Variants in THSD7A observed in about 807,000 individuals in gnomAD.
THSD7A encodes thrombospondin type 1 domain containing 7A.
In THSD7A, 96 loss-of-function variants were observed where a neutral mutation model predicts 231.3. The ratio of observed to expected loss-of-function variants is 0.41; its 90% CI spans 0.35 to 0.49. The LOEUF (loss-of-function observed/expected upper bound fraction) is 0.49. Among genes scored for constraint, THSD7A ranks in the 20% least tolerant of loss-of-function variants. The probability of loss-of-function intolerance (pLI) is 0.05; values close to 1 mark genes in which losing one functional copy is unlikely to be tolerated. For missense variants in THSD7A, 2,290 were observed against 2,070.2 expected, an observed-to-expected ratio of 1.11 and a Z score of -2.06; for synonymous variants, 940 against 743.3, an observed-to-expected ratio of 1.26 and a Z score of -4.30.
At chr7:11,745,762 T>C (rs1415662117) in intron 1 of THSD7A, among the ~76,000 whole-genome samples, 3 of 152,008 alleles carry the variant, frequency 2.0e-5, no homozygotes, top group African/African-American at 7.2e-5. Context: ...TGTAGATATG[T>C]GGCATTATTT....
chr7:11,643,642 G>C (rs889539799), intron 1 of THSD7A, among the ~76,000 whole-genome samples: 10 of 151,300 alleles, frequency 6.6e-5, no homozygotes, highest in Non-Finnish European at 1.0e-4. Flanking sequence ...CTTCTATACT[G>C]TTATTTAATC....
At chr7:11,534,158 G>A (rs1400805077) in intron 6 of THSD7A, among the ~76,000 whole-genome samples, 1 of 152,154 alleles carries the variant, frequency 6.6e-6, no homozygotes, top group East Asian at 1.9e-4. Flanking sequence ...CTTGGATGGG[G>A]AGGGTGTATA....
intron 4 of THSD7A, among the ~76,000 whole-genome samples, chr7:11,571,581 A>G (rs1790632229): frequency 6.6e-6 from 1 of 152,232 alleles, no homozygotes; most frequent in South Asian, 2.1e-4. Flanking sequence ...TGGCTCAGGT[A>G]ATCTATCTCC....
chr7:11,775,182 C>T (rs1317056001), intron 1 of THSD7A, among the ~76,000 whole-genome samples: 17 of 152,072 alleles, frequency 1.1e-4, no homozygotes, highest in Admixed American at 8.5e-4. Flanking sequence ...CTTTAAAAAA[C>T]GGCACAGAAA....
chr7:11,594,210 T>A (rs927926165), intron 2 of THSD7A, among the ~76,000 whole-genome samples: 16 of 152,212 alleles, frequency 1.1e-4, no homozygotes, highest in Admixed American at 3.3e-4. Context: ...ATACTGGCTC[T>A]CCTTGCTCCT....
At chr7:11,576,869 A>C (rs530688095) in intron 4 of THSD7A, among the ~76,000 whole-genome samples, 1 of 152,272 alleles carries the variant, frequency 6.6e-6, no homozygotes, top group Non-Finnish European at 1.5e-5. Flanking sequence ...ATTATCAGCT[A>C]ATAGGATGCA....
chr7:11,618,357 T>C (rs1371786730), intron 2 of THSD7A, among the ~76,000 whole-genome samples: 1 of 152,202 alleles, frequency 6.6e-6, no homozygotes, highest in African/African-American at 2.4e-5. Context: ...ATATTTTATA[T>C]AATAGAAATC....
chr7:11,568,292 C>T (rs997633887), intron 4 of THSD7A, among the ~76,000 whole-genome samples: 2 of 151,872 alleles, frequency 1.3e-5, no homozygotes, highest in African/African-American at 4.9e-5. Context: ...ACTCTGCTGA[C>T]CTTCTGCATA....
chr7:11,778,553 A>G (rs114148150), intron 1 of THSD7A, among the ~76,000 whole-genome samples: 2,267 of 152,284 alleles, frequency 0.015, 61 homozygotes, highest in African/African-American at 0.052. Context: ...GAGTCGAGGA[A>G]GAAGAGAAGA....
chr7:11,438,172 A>T (rs766452660), intron 13 of THSD7A, among the ~76,000 whole-genome samples: 1 of 152,014 alleles, frequency 6.6e-6, no homozygotes, highest in Non-Finnish European at 1.5e-5. Flanking sequence ...TTGAAACATG[A>T]CACCTGCTTT....
At chr7:11,448,020 T>A (rs922270239) in intron 11 of THSD7A, among the ~76,000 whole-genome samples, 10 of 152,152 alleles carry the variant, frequency 6.6e-5, no homozygotes, top group Middle Eastern at 3.4e-3. Context: ...TTAGGAAGGG[T>A]TGGAATCATT....
intron 26 of THSD7A, chr7:11,378,646 G>A (rs1782377741): frequency 5.4e-6 from 1 of 184,198 alleles, no homozygotes; most frequent in Non-Finnish European, 1.1e-5. Flanking sequence ...CTGCATTAGT[G>A]ATGTTTTTAT....
intron 6 of THSD7A, among the ~76,000 whole-genome samples, chr7:11,514,167 AAAT>A (rs1362930033): frequency 6.6e-6 from 1 of 151,962 alleles, no homozygotes; most frequent in African/African-American, 2.4e-5. Context: ...ACTCAAAATA[AAAT>A]AATACACTCC....
chr7:11,425,279 C>T (rs1467594888), intron 15 of THSD7A, among the ~76,000 whole-genome samples: 1 of 152,032 alleles, frequency 6.6e-6, no homozygotes, highest in Non-Finnish European at 1.5e-5. Flanking sequence ...AGCTGTTTTC[C>T]AAATAAATAT....
chr7:11,735,116 A>G (rs1781868745), intron 1 of THSD7A, among the ~76,000 whole-genome samples: 1 of 151,830 alleles, frequency 6.6e-6, no homozygotes, highest in South Asian at 2.1e-4. Flanking sequence ...TTCCAGCTCA[A>G]ATTCTTAGTA....
At chr7:11,824,350 A>G (rs1183299158) in intron 1 of THSD7A, among the ~76,000 whole-genome samples, 4 of 152,030 alleles carry the variant, frequency 2.6e-5, no homozygotes, top group Admixed American at 2.6e-4. Context: ...AACTCATATC[A>G]GAGGTCAAGA....
At chr7:11,795,045 A>G (rs6967913) in intron 1 of THSD7A, among the ~76,000 whole-genome samples, 123,253 of 151,880 alleles carry the variant, frequency 0.81, 50,323 homozygotes, top group African/African-American at 0.9. Flanking sequence ...ATTCTATCTA[A>G]AAGTTAGAGG....
At chr7:11,735,124 G>A (rs1485983187) in intron 1 of THSD7A, among the ~76,000 whole-genome samples, 1 of 151,760 alleles carries the variant, frequency 6.6e-6, no homozygotes, top group African/African-American at 2.4e-5. Flanking sequence ...CAAATTCTTA[G>A]TACTCTTGGA....
At chr7:11,765,706 C>T (rs1178728421) in intron 1 of THSD7A, among the ~76,000 whole-genome samples, 1 of 152,080 alleles carries the variant, frequency 6.6e-6, no homozygotes, top group African/African-American at 2.4e-5. Context: ...AGCTGGTTCC[C>T]TTGAGTAGTT....
Sources: allele counts gnomAD v4.1 joint callset (sites outside exome capture counted in the v4.1 genomes callset), GRCh38; gene constraint gnomAD v4.1.1; transcripts MANE v1.5; gene names NCBI Gene and HGNC (gene_info 2026-07-23, HGNC 2026-07-21).